The following MTMR2 variants were observed in gnomAD, a reference collection of about 807,000 sequenced individuals.
MTMR2 encodes phosphatidylinositol-3,5-bisphosphate 3-phosphatase MTMR2.
A neutral mutation model predicts 86.9 loss-of-function variants in MTMR2; 55 were observed. The observed-to-expected ratio is 0.63, with a 90% confidence interval of 0.51 to 0.79. MTMR2 has a LOEUF of 0.79. Among genes scored for constraint, MTMR2 ranks in the 30% least tolerant of loss-of-function variants. The pLI is 0.00. For synonymous variants in MTMR2, 241 were observed against 266.8 expected (o/e 0.90, Z 0.94); for missense variants, 659 against 772.3 (o/e 0.85, Z 1.74).
chr11:95,898,529 A>C (rs535652566), intron 1 of MTMR2, among the ~76,000 whole-genome samples: 76 of 150,884 alleles, frequency 5.0e-4, no homozygotes, highest in Admixed American at 1.1e-3. Context: ...CACACACACA[A>C]AAAAACACAC....
chr11:95,865,704 CAT>C (rs1491167894), intron 2 of MTMR2, 28 bp from the exon 3 acceptor site: 1 of 1,565,820 alleles, frequency 6.4e-7, no homozygotes, highest in Non-Finnish European at 8.8e-7. Context: ...AAAAAAGAAA[CAT>C]TTTTTTATTC....
At chr11:95,874,774 T>C (rs1201753947) in intron 2 of MTMR2, among the ~76,000 whole-genome samples, 1 of 152,204 alleles carries the variant, frequency 6.6e-6, no homozygotes, top group East Asian at 1.9e-4. Flanking sequence ...TCAGGAGCGC[T>C]TGTAGGGCAG....
intron 10 of MTMR2, 142 bp downstream of exon 10, chr11:95,847,572 G>T: frequency 1.3e-6 from 1 of 757,468 alleles, no homozygotes; most frequent in Non-Finnish European, 2.3e-6. Context: ...AAATTCACTA[G>T]TAGTTCCAAG....
At chr11:95,835,680 T>A (rs1317514735) in intron 14 of MTMR2, among the ~76,000 whole-genome samples, 3 of 152,082 alleles carry the variant, frequency 2.0e-5, no homozygotes, top group Non-Finnish European at 2.9e-5. Context: ...TAGGTGCTCC[T>A]GAAACTGGTA....
intron 1 of MTMR2, among the ~76,000 whole-genome samples, chr11:95,910,980 A>AC (rs1188098208): frequency 2.6e-5 from 4 of 151,918 alleles, no homozygotes; most frequent in Non-Finnish European, 4.4e-5. Context: ...CAGAAAAACA[A>AC]CCCCCCCAAA....
intron 1 of MTMR2, chr11:95,914,392 C>T (rs1866623863): frequency 1.1e-5 from 11 of 983,324 alleles, no homozygotes; most frequent in Non-Finnish European, 1.3e-5. Flanking sequence ...TGTGCAAAGC[C>T]TGCAGGGCAG....
chr11:95,857,404 AT>A, intron 7 of MTMR2, 147 bp downstream of exon 7: 1 of 670,118 alleles, frequency 1.5e-6, no homozygotes, highest in South Asian at 1.8e-5. Context: ...ACTAAAACAG[AT>A]TTCAAGATTG....
At chr11:95,885,362 C>CA (rs998087847) in intron 2 of MTMR2, among the ~76,000 whole-genome samples, 13 of 151,694 alleles carry the variant, frequency 8.6e-5, no homozygotes, top group Admixed American at 5.9e-4. Flanking sequence ...TATTGTTTTC[C>CA]AAAAAAAGGA....
chr11:95,900,833 A>G (rs1402142116), intron 1 of MTMR2, among the ~76,000 whole-genome samples: 1 of 152,180 alleles, frequency 6.6e-6, no homozygotes, highest in Non-Finnish European at 1.5e-5. Flanking sequence ...ATAACACTCA[A>G]ATTGAACTCT....
At chr11:95,923,715 C>G in intron 1 of MTMR2, 160 bp downstream of exon 1, 1 of 1,451,350 alleles carries the variant, frequency 6.9e-7, no homozygotes, top group Non-Finnish European at 9.1e-7. Context: ...GCCTCCACGC[C>G]CCAGGGAGGG....
At chr11:95,868,032 G>A (rs948303947) in intron 2 of MTMR2, among the ~76,000 whole-genome samples, 3 of 151,906 alleles carry the variant, frequency 2.0e-5, no homozygotes, top group Non-Finnish European at 2.9e-5. Flanking sequence ...CTAGGAGGCC[G>A]AGGCGAGTGG....
intron 1 of MTMR2, among the ~76,000 whole-genome samples, chr11:95,905,423 C>T (rs372553662): frequency 4.6e-5 from 7 of 151,680 alleles, no homozygotes; most frequent in African/African-American, 1.7e-4. Flanking sequence ...GAAAGGGGAC[C>T]GGCATCCTGT....
At chr11:95,852,179 A>G (rs1425720622) in intron 7 of MTMR2, among the ~76,000 whole-genome samples, 2 of 152,242 alleles carry the variant, frequency 1.3e-5, no homozygotes, top group Non-Finnish European at 2.9e-5. Flanking sequence ...CCAAACACAC[A>G]GATATATTTT....
rs138958502 is a variant in MTMR2 at position 95,903,729 on chromosome 11, C to T, written c.81-15468G>A. Reference sequence around the variant, plus strand: ...TACAGAACCAAACACAGATTTTCCACAAGCTCTCCAACTATAACCTGTGTG... The same window carrying T: ...TACAGAACCAAACACAGATTTTCCATAAGCTCTCCAACTATAACCTGTGTG... On this transcript the variant is annotated intron_variant, in intron 1 of 14. Coordinates refer to ENST00000346299, the MANE Select transcript of MTMR2 (RefSeq NM_016156.6). 4.3e-4 allele frequency among the ~76,000 whole-genome samples: 65 copies of T among 152,308 alleles called. 1 individual carries two copies. Among genetic ancestry groups the T allele is most frequent in the African/African-American group, 1.5e-3 (63 of 41,572 alleles).
chr11:95,916,448 T>A (rs1000928078), intron 1 of MTMR2, among the ~76,000 whole-genome samples: 1 of 152,144 alleles, frequency 6.6e-6, no homozygotes, highest in Non-Finnish European at 1.5e-5. Flanking sequence ...CCTGAAGATA[T>A]AATAGCTGGA....
At chr11:95,835,504 G>A (rs78015464) in intron 14 of MTMR2, 53 bp from the exon 15 acceptor site, 51 of 1,561,816 alleles carry the variant, frequency 3.3e-5, no homozygotes, top group Non-Finnish European at 4.5e-5. Context: ...CCAAAGCCAG[G>A]TCAAATCATT....
Position 95,835,221 on chromosome 11 carries a change from C to CT in MTMR2, c.*68dup. The stretch of plus-strand genomic sequence containing the variant: ...ATAGATGGGTTCTAAATTCCGAAGA[C>CT]TTTCTACTCATAGAGCTGCCAGTGT... On this transcript the variant is annotated 3_prime_UTR_variant, in exon 15 of 15. Coordinates refer to ENST00000346299, the MANE Select transcript of MTMR2 (RefSeq NM_016156.6). 6.5e-7 allele frequency: 1 copy of CT among 1,527,550 alleles called. No individual in the cohort carries two copies. The highest frequency in any genetic ancestry group is 9.1e-7 in the Non-Finnish European group (1 of 1,104,828). The allele number at this position is 1,527,550 out of a possible 1,614,324, so 94.6% of individuals were successfully genotyped here. A position where few individuals can be genotyped will look rare whatever the true frequency, so the allele number is the denominator to read the frequency against.
At chr11:95,889,319 G>A (rs1304941773) in intron 1 of MTMR2, among the ~76,000 whole-genome samples, 1 of 151,804 alleles carries the variant, frequency 6.6e-6, no homozygotes, top group Non-Finnish European at 1.5e-5. Context: ...TTTTTGTAGA[G>A]ACGAGGTTTC....
intron 1 of MTMR2, among the ~76,000 whole-genome samples, chr11:95,911,960 T>C (rs1008182651): frequency 6.6e-6 from 1 of 152,184 alleles, no homozygotes; most frequent in Non-Finnish European, 1.5e-5. Context: ...GATAGATATA[T>C]TTTGTTTTTC....
Sources: gnomAD v4.1 joint callset for allele counts (sites outside exome capture counted in the v4.1 genomes callset) on GRCh38, gnomAD v4.1.1 for gene constraint, MANE v1.5 for transcripts, NCBI Gene and HGNC (gene_info 2026-07-23, HGNC 2026-07-21) for gene names.